The following MYO16 variants were observed in gnomAD, a reference collection of about 807,000 sequenced individuals.
The protein encoded by MYO16 is unconventional myosin-XVI.
Under a neutral mutation model 205.3 loss-of-function variants are expected in MYO16, and 94 were observed. The observed-to-expected ratio is 0.46, with a 90% CI of 0.39 to 0.54. MYO16 has a LOEUF of 0.54. MYO16 is among the 20% of genes least tolerant of loss of function. The pLI, the probability that MYO16 is intolerant of heterozygous loss-of-function variation, is 0.00. For synonymous variants in MYO16, 988 were observed against 954.0 expected, an observed-to-expected ratio of 1.04 and a Z score of -0.66; for missense variants, 2,315 against 2,387.5, an observed-to-expected ratio of 0.97 and a Z score of 0.63.
chr13:108,710,003 C>G (rs555357731), intron 2 of MYO16, among the ~76,000 whole-genome samples: 2 of 83,066 alleles, frequency 2.4e-5, no homozygotes, highest in East Asian at 3.4e-4. Context: ...GAGGAAGAAG[C>G]CTTTCTTCCT....
chr13:108,651,441 T>C lies in MYO16; in HGVS notation c.29-14445T>C, dbSNP rs1317570368. Among the ~76,000 whole-genome samples, 5 of 152,368 alleles carry C rather than the reference T, an allele frequency of 3.3e-5. No individual in the cohort carries two copies. In the East Asian group the frequency reaches 9.6e-4, roughly 29 times the overall value. ...AAGCTTTTGATCATGACCAAATCAC[T>C]TGTTGTTTACGAAATATGGTAAGGG... On this transcript the variant is annotated intron_variant, in intron 1 of 34. Transcript: ENST00000457511.
intron 22 of MYO16, among the ~76,000 whole-genome samples, chr13:109,017,722 A>G (rs1004984113): frequency 3.9e-5 from 6 of 152,042 alleles, no homozygotes; most frequent in African/African-American, 7.2e-5. Context: ...TTGATCTTCA[A>G]TCACTGACAC....
chr13:108,972,243 CTCTCTCTATATATA>C (rs1388252889), intron 20 of MYO16, among the ~76,000 whole-genome samples: 1 of 11,510 alleles, frequency 8.7e-5, no homozygotes, highest in African/African-American at 2.9e-4. Context: ...CTCTCTCTCT[CTCTCTCTATATATA>C]TATATATATA....
At chr13:109,200,900 A>C (rs2139970193) in intron 34 of MYO16, among the ~76,000 whole-genome samples, 1 of 152,228 alleles carries the variant, frequency 6.6e-6, no homozygotes, top group East Asian at 1.9e-4. Context: ...GATTTAGAGG[A>C]AATCTGGAGT....
chr13:108,497,593 A>G, the MYO16 span, among the ~76,000 whole-genome samples: 49 of 152,362 alleles, frequency 3.2e-4, no homozygotes, highest in African/African-American at 1.1e-3. Context: ...AATTTCATCT[A>G]GAGGGCAGAA....
At chr13:108,708,548 C>T (rs1247856067) in intron 2 of MYO16, among the ~76,000 whole-genome samples, 2 of 152,200 alleles carry the variant, frequency 1.3e-5, no homozygotes, top group African/African-American at 4.8e-5. Context: ...CTTCTTATCA[C>T]CTGTGATTGT....
In MYO16 at chr13:108,600,341, G is replaced by A. The variant is rs138564412; in HGVS notation, c.-39+4102G>A. Among the ~76,000 whole-genome samples the A allele has an allele frequency of 6.0e-3, 915 of 152,206 alleles. 12 individuals carry two copies. Among genetic ancestry groups the A allele is most frequent in the African/African-American group, 0.021 (877 of 41,522 alleles). ...TGCAGTCTTTTTGTATGAAATGTGG[G>A]TAATTATAACATTTTACCTACTACA... is the stretch of plus-strand genomic sequence containing the variant. On this transcript the variant is annotated intron_variant, in intron 1 of 24. Transcript: ENST00000251041.
At chr13:108,732,610 A>G (rs1289362474) in intron 4 of MYO16, among the ~76,000 whole-genome samples, 1 of 152,208 alleles carries the variant, frequency 6.6e-6, no homozygotes, top group African/African-American at 2.4e-5. Flanking sequence ...TCAGAATGGC[A>G]TGGTGAGGTC....
At chr13:109,016,232 T>A (rs1000678805) in intron 22 of MYO16, among the ~76,000 whole-genome samples, 2 of 152,224 alleles carry the variant, frequency 1.3e-5, no homozygotes, top group African/African-American at 4.8e-5. Context: ...CCAGTAGTCA[T>A]TGAGGAGCAG....
chr13:108,632,519 T>C (rs1457500777), intron 1 of MYO16, among the ~76,000 whole-genome samples: 22 of 152,208 alleles, frequency 1.4e-4, no homozygotes. Flanking sequence ...ATACTCATCA[T>C]CTAAGGTGAA....
Position 108,698,150 on chromosome 13 carries a change from G to C in MYO16, c.293-14511G>C, listed in dbSNP as rs145263212. ...ACCGATAATTAAGTAACTAGTCTCT[G>C]TGTCCCAATTCCAAATTTCCAGCTG... On this transcript the variant is annotated intron_variant, in intron 2 of 34. Transcript: ENST00000457511. Among the ~76,000 whole-genome samples, 71 of 152,262 alleles carry C rather than the reference G, an allele frequency of 4.7e-4. 2 individuals carry two copies. The East Asian group carries it at 0.013, about 28-fold the overall frequency.
chr13:108,675,815 A>G (rs1882179239), intron 2 of MYO16, among the ~76,000 whole-genome samples: 1 of 152,242 alleles, frequency 6.6e-6, no homozygotes, highest in Admixed American at 6.5e-5. Context: ...ACTTAGGTTT[A>G]GCATCAAGGA....
At chr13:108,972,585 A>G (rs1358045288) in intron 20 of MYO16, among the ~76,000 whole-genome samples, 1 of 150,312 alleles carries the variant, frequency 6.7e-6, no homozygotes. Flanking sequence ...GTTCTTGGGA[A>G]ATAGATATAT....
chr13:108,761,211 C>A (rs980536273), intron 4 of MYO16, among the ~76,000 whole-genome samples: 5 of 152,102 alleles, frequency 3.3e-5, no homozygotes, highest in Admixed American at 6.5e-5. Context: ...CCTGCTGAGC[C>A]CAGCGTTGCC....
intron 23 of MYO16, among the ~76,000 whole-genome samples, chr13:109,025,292 C>G (rs146059125): frequency 6.6e-6 from 1 of 152,180 alleles, no homozygotes; most frequent in African/African-American, 2.4e-5. Context: ...AGACCGGCCA[C>G]GCTTCAGAGT....
At chr13:109,012,956 TTTTTTG>T (rs1278399716) in intron 22 of MYO16, among the ~76,000 whole-genome samples, 62 of 152,162 alleles carry the variant, frequency 4.1e-4, no homozygotes, top group African/African-American at 1.4e-3. Context: ...ACCTTGTTTT[TTTTTTG>T]TTTTTGTTTT....
chr13:108,835,056 T>A (rs1876831661), intron 9 of MYO16, among the ~76,000 whole-genome samples: 1 of 151,910 alleles, frequency 6.6e-6, no homozygotes, highest in Non-Finnish European at 1.5e-5. Context: ...CTAATTAATA[T>A]ACTGCCTTTC....
At chr13:109,042,396 T>C (rs138989635) in intron 23 of MYO16, among the ~76,000 whole-genome samples, 2,263 of 152,322 alleles carry the variant, frequency 0.015, 25 homozygotes, top group Non-Finnish European at 0.026. Context: ...AATGTGCTAT[T>C]GTGAATCCTT....
chr13:109,058,045 G>T (rs1887469963), intron 27 of MYO16, among the ~76,000 whole-genome samples: 1 of 152,100 alleles, frequency 6.6e-6, no homozygotes, highest in African/African-American at 2.4e-5. Flanking sequence ...TTAAAATATG[G>T]ATTCCTGGGC....
Sources: gnomAD v4.1 joint callset for allele counts (sites outside exome capture counted in the v4.1 genomes callset) on GRCh38, gnomAD v4.1.1 for gene constraint, MANE v1.5 for transcripts, NCBI Gene and HGNC (gene_info 2026-07-23, HGNC 2026-07-21) for gene names.